The following VASP variants were observed in gnomAD, a reference collection of about 807,000 sequenced individuals.
The protein encoded by VASP is vasodilator stimulated phosphoprotein.
A neutral mutation model predicts 54.4 loss-of-function variants in VASP; 27 were observed. The ratio of observed to expected loss-of-function variants is 0.50; its 90% CI spans 0.37 to 0.68. The LOEUF (loss-of-function observed/expected upper bound fraction) is 0.68, where lower values mean the gene tolerates loss of function less well. Ranked by LOEUF, VASP falls within the 30% of genes least tolerant of loss-of-function variation. The probability of loss-of-function intolerance (pLI) is 0.00; values close to 1 mark genes in which losing one functional copy is unlikely to be tolerated. For missense variants in VASP, 488 were observed against 528.3 expected (o/e 0.92, Z 0.75); for synonymous variants, 233 against 209.8 (o/e 1.11, Z -0.96).
chr19:45,519,894 CTT>C (rs57892194), intron 3 of VASP, among the ~76,000 whole-genome samples: 3,627 of 50,916 alleles, frequency 0.071, 240 homozygotes, highest in East Asian at 0.26. Flanking sequence ...TGCGCCCGGC[CTT>C]TTTTTTTTTT....
intron 1 of VASP, among the ~76,000 whole-genome samples, chr19:45,508,175 A>G (rs1968526824): frequency 6.6e-6 from 1 of 151,830 alleles, no homozygotes; most frequent in African/African-American, 2.4e-5. Context: ...TGGGGGACCG[A>G]TTTGGGATAC....
At chr19:45,517,347 C>A (rs1002061281) in intron 1 of VASP, among the ~76,000 whole-genome samples, 1 of 149,750 alleles carries the variant, frequency 6.7e-6, no homozygotes, top group African/African-American at 2.5e-5. Flanking sequence ...TCTGCCCATC[C>A]TTTTTCCCCA....
At chr19:45,516,317 C>T (rs1480127221) in intron 1 of VASP, among the ~76,000 whole-genome samples, 1 of 152,196 alleles carries the variant, frequency 6.6e-6, no homozygotes, top group Non-Finnish European at 1.5e-5. Flanking sequence ...GGGGAATGGC[C>T]GCTAGTGCCC....
At chr19:45,525,707 G>T in intron 11 of VASP, 1 of 408,854 alleles carries the variant, frequency 2.4e-6, no homozygotes, top group Non-Finnish European at 4.4e-6. Flanking sequence ...AAAAAAAAAA[G>T]AAAAAGAAAA....
Position 45,522,573 on chromosome 19 carries a change from G to A in VASP, c.712G>A (p.Val238Ile). 1.4e-6 allele frequency: 2 copies of A among 1,466,038 alleles called. No individual in the cohort carries two copies. Among genetic ancestry groups the A allele is most frequent in the South Asian group, 1.4e-5 (1 of 70,442 alleles). 90.8% of individuals were successfully genotyped at this position (1,466,038 alleles called of 1,614,324 possible). A position where few individuals can be genotyped will look rare whatever the true frequency, so the allele number is the denominator to read the frequency against. ...TATTGCTGGAGCCAAACTCAGGAAA[G>A]TCAGCAAGGTGAGGGGCCGGGAGAG... is the stretch of plus-strand genomic sequence containing the variant. Reference protein sequence around the residue: ...AAIAGAKLRKVSKQEEASGGP... With the variant: ...AAIAGAKLRKISKQEEASGGP... The change falls in exon 6 of 13, where the codon GTC becomes ATC. Residue 238 changes from valine to isoleucine, a missense_variant. Coordinates refer to ENST00000245932, the MANE Select transcript of VASP (RefSeq NM_003370.4).
chr19:45,526,444 G>A lies in VASP; in HGVS notation c.*267G>A, dbSNP rs1271979212. Reference sequence around the variant, plus strand: ...CCTTGGGGCCGGTCCCTCTGCTGGGGATGCACCAATGAACCCCACAGGAAG... The same window carrying A: ...CCTTGGGGCCGGTCCCTCTGCTGGGAATGCACCAATGAACCCCACAGGAAG... On this transcript the variant is annotated 3_prime_UTR_variant, in exon 13 of 13. Coordinates refer to ENST00000245932, the MANE Select transcript of VASP (RefSeq NM_003370.4). 2.4e-6 allele frequency: 1 copy of A among 413,650 alleles called. No homozygotes were observed. The highest frequency in any genetic ancestry group is 4.3e-6 in the Non-Finnish European group (1 of 233,218). The allele number at this position is 413,650 out of a possible 1,614,324, so 25.6% of individuals were successfully genotyped here. A position where few individuals can be genotyped will look rare whatever the true frequency, so the allele number is the denominator to read the frequency against.
At chr19:45,508,963 G>A (rs1045466489) in intron 1 of VASP, among the ~76,000 whole-genome samples, 1 of 151,980 alleles carries the variant, frequency 6.6e-6, no homozygotes, top group Non-Finnish European at 1.5e-5. Flanking sequence ...CTCTCCCATG[G>A]GGCCAGAGCC....
rs761142228 is a variant in VASP, at chr19:45,523,693, A to C, written c.871A>C (p.Asn291His). The C allele has an allele frequency of 4.3e-6, 7 of 1,614,080 alleles. 1 individual carries two copies. In the South Asian group the frequency reaches 6.6e-5, roughly 15 times the overall value. Residue 291 changes from asparagine to histidine, a missense_variant and splice_region_variant, in exon 8 of 13, where the codon AAT (asparagine) becomes CAT (histidine). Coordinates refer to ENST00000245932, the MANE Select transcript of VASP (RefSeq NM_003370.4). ...GEKTPKDESA[N>H]QEEPEARVPA... ...GAAAACCCCCAAGGATGAATCTGCC[A>C]ATGTAAGTCAGGGACTCTTCTTGCC...
In VASP at chr19:45,511,354, G is replaced by A. The variant is rs546735942; in HGVS notation, c.5+3578G>A. On this transcript the variant is annotated intron_variant, in intron 1 of 12. Coordinates refer to ENST00000245932, the MANE Select transcript of VASP (RefSeq NM_003370.4). ...GCGTGTACCAAGTTACAGTTCCTGC[G>A]TTTAGGGCTTTTTGTCCATTATCTC... 4.7e-4 allele frequency among the ~76,000 whole-genome samples: 71 copies of A among 152,186 alleles called. 1 individual carries two copies. The highest frequency in any genetic ancestry group is 1.5e-3 in the African/African-American group (62 of 41,532).
In VASP at chr19:45,524,593, C is replaced by T; in HGVS notation, c.980C>T (p.Thr327Ile). The stretch of plus-strand genomic sequence containing the variant: ...AGGATGAAGTCGTCTTCTTCGGTGA[C>T]CACTTCCGAGACCCAACCCTGCACG... ...LPRMKSSSSV[T>I]TSETQPCTPS... Residue 327 changes from threonine to isoleucine, a missense_variant, in exon 11 of 13, where the codon ACC (threonine) becomes ATC (isoleucine). Thr to Ile is a moderately conservative substitution (Grantham distance 89, BLOSUM62 -1). Transcript: ENST00000245932. The T allele has an allele frequency of 6.2e-7, 1 of 1,614,030 alleles. No individual in the cohort carries two copies. The highest frequency in any genetic ancestry group is 1.3e-5 in the African/African-American group (1 of 74,992).
At chr19:45,512,860 A>C (rs1216021967) in intron 1 of VASP, among the ~76,000 whole-genome samples, 1 of 152,158 alleles carries the variant, frequency 6.6e-6, no homozygotes, top group Admixed American at 6.5e-5. Context: ...TGGCCTCCCA[A>C]AGTGCTGGGA....
intron 9 of VASP, 56 bp from the exon 10 acceptor site, chr19:45,524,041 T>C: frequency 1.3e-6 from 2 of 1,556,706 alleles, no homozygotes; most frequent in African/African-American, 1.4e-5. Context: ...GGGAGTAAGA[T>C]TGATTGGGGG....
In VASP at chr19:45,522,594, G is replaced by A. The variant is rs1252200179; in HGVS notation, c.720+13G>A. On this transcript the variant is annotated intron_variant, in intron 6 of 12. Coordinates refer to ENST00000245932, the MANE Select transcript of VASP (RefSeq NM_003370.4). ...GAAAGTCAGCAAGGTGAGGGGCCGG[G>A]AGAGGTGGGCAGGGGGCAACAGGGC... 4 of 1,485,234 alleles carry A rather than the reference G, an allele frequency of 2.7e-6. No homozygotes were observed. Among genetic ancestry groups the A allele is most frequent in the Non-Finnish European group, 3.6e-6 (4 of 1,125,274 alleles). 92.0% of individuals were successfully genotyped at this position (1,485,234 alleles called of 1,614,324 possible).
In VASP at chr19:45,524,670, G is replaced by A. The variant is rs761738291; in HGVS notation, c.1047+10G>A. 32 of 1,612,728 alleles carry A rather than the reference G, an allele frequency of 2.0e-5. No individual in the cohort carries two copies. In the Admixed American group the frequency reaches 4.7e-4, roughly 24 times the overall value. On this transcript the variant is annotated intron_variant, in intron 11 of 12. Coordinates refer to ENST00000245932, the MANE Select transcript of VASP (RefSeq NM_003370.4). Reference sequence around the variant, plus strand: ...ACAGAGGGTGAAACAGGTAACTTGGGGGGGAAGTTGGGGACCACAGCAAGA... The same window carrying A: ...ACAGAGGGTGAAACAGGTAACTTGGAGGGGAAGTTGGGGACCACAGCAAGA...
At chr19:45,525,675 G>A (rs972177854) in intron 11 of VASP, 4 of 323,446 alleles carry the variant, frequency 1.2e-5, no homozygotes, top group East Asian at 6.9e-5. Flanking sequence ...TGCAGTCTGG[G>A]TGACAGGGAG....
At chr19:45,510,473 G>T (rs1232521204) in intron 1 of VASP, among the ~76,000 whole-genome samples, 1 of 152,052 alleles carries the variant, frequency 6.6e-6, no homozygotes, top group African/African-American at 2.4e-5. Context: ...TGATCCACCC[G>T]CCTCGACCTC....
Position 45,526,263 on chromosome 19 carries a change from G to C in VASP, c.*86G>C. The C allele has an allele frequency of 6.7e-7, 1 of 1,486,366 alleles. No homozygotes were observed. Among genetic ancestry groups the C allele is most frequent in the Admixed American group, 2.3e-5 (1 of 42,780 alleles). The allele number at this position is 1,486,366 out of a possible 1,614,324, so 92.1% of individuals were successfully genotyped here. On this transcript the variant is annotated 3_prime_UTR_variant, in exon 13 of 13. Coordinates refer to ENST00000245932, the MANE Select transcript of VASP (RefSeq NM_003370.4). ...CCCTGCCTCTACTTGACTTGGAATT[G>C]GCTGAAGACTACACAGGAATGCATC...
rs557755137 is a variant in VASP at position 45,512,134 on chromosome 19, G to A, written c.5+4358G>A. Among the ~76,000 whole-genome samples the A allele has an allele frequency of 6.6e-5, 10 of 151,020 alleles. No individual in the cohort carries two copies. The South Asian group carries it at 2.1e-3, about 31-fold the overall frequency. On this transcript the variant is annotated intron_variant, in intron 1 of 12. Coordinates refer to ENST00000245932, the MANE Select transcript of VASP (RefSeq NM_003370.4). ...CACTGCCAGCCTGGGTGCAGAGTGA[G>A]AGACTCTGTCTCAAAAGATAAATGG... is the stretch of plus-strand genomic sequence containing the variant.
chr19:45,522,132 C>G, intron 4 of VASP, 36 bp from the exon 5 acceptor site: 1 of 1,612,596 alleles, frequency 6.2e-7, no homozygotes, highest in Non-Finnish European at 8.5e-7. Context: ...TCCTTAGGGC[C>G]CTGATTGACG....
Sources: gnomAD v4.1 joint callset for allele counts (sites outside exome capture counted in the v4.1 genomes callset) on GRCh38, gnomAD v4.1.1 for gene constraint, MANE v1.5 for transcripts, NCBI Gene and HGNC (gene_info 2026-07-23, HGNC 2026-07-21) for gene names.